The following GET4 variants were observed in gnomAD, a reference collection of about 807,000 sequenced individuals.
GET4 encodes the protein Golgi to ER traffic protein 4 homolog.
A neutral mutation model predicts 40.0 loss-of-function variants in GET4; 20 were observed. The observed-to-expected ratio is 0.50, with a 90% confidence interval of 0.35 to 0.73. The LOEUF (loss-of-function observed/expected upper bound fraction) is 0.73, where lower values mean the gene tolerates loss of function less well. Among genes scored for constraint, GET4 ranks in the 30% least tolerant of loss-of-function variants. The pLI is 0.01. For synonymous variants in GET4, 280 were observed against 194.6 expected, an observed-to-expected ratio of 1.44 and a Z score of -3.65; for missense variants, 557 against 454.0, an observed-to-expected ratio of 1.23 and a Z score of -2.06.
At chr7:889,088 C>T (rs1260574325) in intron 4 of GET4, among the ~76,000 whole-genome samples, 1 of 152,246 alleles carries the variant, frequency 6.6e-6, no homozygotes, top group Non-Finnish European at 1.5e-5. Flanking sequence ...GAGGGATGTA[C>T]GTGTCTCATC....
intron 1 of GET4, among the ~76,000 whole-genome samples, chr7:877,379 C>G (rs1167955609): frequency 9.1e-6 from 1 of 109,968 alleles, no homozygotes; most frequent in Non-Finnish European, 1.9e-5. Flanking sequence ...TCGTCTCTTT[C>G]TTCCAGCCTC....
intron 6 of GET4, among the ~76,000 whole-genome samples, chr7:892,820 G>A (rs916500474): frequency 1.4e-4 from 21 of 151,520 alleles, no homozygotes; most frequent in Non-Finnish European, 2.8e-4. Context: ...TGTAGACGGC[G>A]TATGTGCAGG....
chr7:895,382 A>G lies in GET4; in HGVS notation c.944A>G (p.Glu315Gly). ...GGCTCCTCAGAGCAGGAGGATGGGG[A>G]GGAGAGCCCCAGCGACGGCAGCCCC... is the stretch of plus-strand genomic sequence containing the variant. ...LMGSSEQEDG[E>G]ESPSDGSPIE... The change falls in exon 9 of 9, where the codon GAG becomes GGG. Residue 315 changes from glutamate to glycine, a missense_variant. Coordinates refer to ENST00000265857, the MANE Select transcript of GET4 (RefSeq NM_015949.3). The G allele has an allele frequency of 1.3e-6, 2 of 1,599,358 alleles. No homozygotes were observed. Among genetic ancestry groups the G allele is most frequent in the Middle Eastern group, 1.7e-4 (1 of 6,038 alleles).
At chr7:883,492 A>G (rs1844126753) in intron 1 of GET4, 1 of 985,034 alleles carries the variant, frequency 1.0e-6, no homozygotes, top group East Asian at 1.1e-4. Context: ...GTAAGAGAAG[A>G]GCAAAATCAG....
intron 1 of GET4, 72 bp downstream of exon 1, chr7:876,872 C>T: frequency 3.5e-6 from 3 of 868,356 alleles, no homozygotes; most frequent in Non-Finnish European, 4.3e-6. Context: ...GCCGCCTCGC[C>T]CCGCGCCCCC....
rs751475490 is a variant in GET4 at position 886,036 on chromosome 7, C to T, written c.156-20C>T. 12 of 1,518,010 alleles carry T rather than the reference C, an allele frequency of 7.9e-6. No individual in the cohort carries two copies. The highest frequency in any genetic ancestry group is 7.3e-6 in the Non-Finnish European group (8 of 1,094,184). 94.0% of individuals were successfully genotyped at this position (1,518,010 alleles called of 1,614,324 possible). A position where few individuals can be genotyped will look rare whatever the true frequency, so the allele number is the denominator to read the frequency against. ...GGCGAGGGCACGTGGGCGTGGCTCA[C>T]GGTCTCCTCTCTGTGGCAGGTACAT... On this transcript the variant is annotated intron_variant, in intron 1 of 8. Coordinates refer to ENST00000265857, the MANE Select transcript of GET4 (RefSeq NM_015949.3).
chr7:886,316 G>A (rs1438236621), intron 2 of GET4, 182 bp downstream of exon 2: 8 of 611,112 alleles, frequency 1.3e-5, no homozygotes, highest in Non-Finnish European at 2.3e-5. Context: ...CTCAAGACTG[G>A]GGCTCTGCGC....
intron 1 of GET4, chr7:885,114 C>T (rs937706553): frequency 4.6e-5 from 7 of 152,218 alleles, no homozygotes; most frequent in African/African-American, 1.4e-4. Flanking sequence ...TTTTCTTTAA[C>T]TAGATTTATT....
Position 886,130 on chromosome 7 carries a change from GC to G in GET4, c.232del (p.Gln78SerfsTer37). 2 of 1,598,884 alleles carry G rather than the reference GC, an allele frequency of 1.3e-6. No homozygotes were observed. Among genetic ancestry groups the G allele is most frequent in the Non-Finnish European group, 1.7e-6 (2 of 1,166,988 alleles). ...GGAGCCCTGCTCTTCTTCAGCCATG[GC>G]CAGGTAAGCCGTCTTGCTTCCTCCT... ...YSGALLFFSH[G>X]QQNSAADLSM... On this transcript the variant is annotated frameshift_variant, in exon 2 of 9. Coordinates refer to ENST00000265857, the MANE Select transcript of GET4 (RefSeq NM_015949.3). LOFTEE classifies it high-confidence loss of function.
chr7:877,356 C>G, intron 1 of GET4, among the ~76,000 whole-genome samples: 1 of 127,350 alleles, frequency 7.9e-6, no homozygotes, highest in Middle Eastern at 4.2e-3. Context: ...TCTCGCCGTC[C>G]TCCCCCTGCC....
At chr7:883,693 G>C in intron 1 of GET4, 1 of 985,758 alleles carries the variant, frequency 1.0e-6, no homozygotes, top group Non-Finnish European at 1.2e-6. Flanking sequence ...GAGAAGGCCC[G>C]GCCATGCCCA....
intron 1 of GET4, among the ~76,000 whole-genome samples, chr7:878,815 G>A (rs1844022573): frequency 6.6e-6 from 1 of 152,222 alleles, no homozygotes; most frequent in East Asian, 1.9e-4. Context: ...TCCTGACCTC[G>A]CGATCCGCCC....
Position 891,029 on chromosome 7 carries a change from A to G in GET4, c.568A>G (p.Ser190Gly), listed in dbSNP as rs767817290. ...VEYSTSRGFR[S>G]EVDMFVAQAV... ...GTATTCCACGTCCCGCGGCTTCCGC[A>G]GCGAGGTGGACATGTTCGTGGCCCA... Residue 190 changes from serine to glycine, a missense_variant, in exon 5 of 9, where the codon AGC (serine) becomes GGC (glycine). Physicochemically the swap from Ser to Gly is moderately conservative, Grantham distance 56. Transcript: ENST00000265857. 11 of 1,610,018 alleles carry G rather than the reference A, an allele frequency of 6.8e-6. No homozygotes were observed. Among genetic ancestry groups the G allele is most frequent in the Non-Finnish European group, 8.5e-6 (10 of 1,177,014 alleles).
intron 6 of GET4, among the ~76,000 whole-genome samples, chr7:893,295 C>T (rs1472506169): frequency 3.1e-4 from 17 of 54,392 alleles, no homozygotes; most frequent in African/African-American, 1.2e-3. Flanking sequence ...GAGTGTTGGG[C>T]GCGGGCGCGG....
chr7:878,769 C>CG (rs1844021674), intron 1 of GET4, among the ~76,000 whole-genome samples: 1 of 152,016 alleles, frequency 6.6e-6, no homozygotes, highest in African/African-American at 2.4e-5. Context: ...TTACTAGAGA[C>CG]GGGGTTTCAC....
chr7:889,111 A>G (rs1844255775), intron 4 of GET4, among the ~76,000 whole-genome samples: 1 of 152,216 alleles, frequency 6.6e-6, no homozygotes, highest in African/African-American at 2.4e-5. Context: ...CCCACCCACC[A>G]CGGGATCAGG....
intron 1 of GET4, chr7:883,659 G>A: frequency 4.1e-6 from 4 of 985,578 alleles, no homozygotes; most frequent in Non-Finnish European, 4.8e-6. Context: ...GGCCAATAGT[G>A]CGCAGCATGC....
At chr7:884,902 C>T (rs1844157632) in intron 1 of GET4, 1 of 153,138 alleles carries the variant, frequency 6.5e-6, no homozygotes, top group Non-Finnish European at 1.5e-5. Flanking sequence ...CCACCTCAGC[C>T]TCCCGAGTAG....
chr7:895,373 A>AGGAT lies in GET4; in HGVS notation c.938_941dup (p.Glu315TrpfsTer98). 1 of 1,599,980 alleles carries AGGAT rather than the reference A, an allele frequency of 6.3e-7. No individual in the cohort carries two copies. The highest frequency in any genetic ancestry group is 8.6e-7 in the Non-Finnish European group (1 of 1,168,926). ...AGCCTCATGGGCTCCTCAGAGCAGG[A>AGGAT]GGATGGGGAGGAGAGCCCCAGCGAC... On this transcript the variant is annotated frameshift_variant, in exon 9 of 9. Coordinates refer to ENST00000265857, the MANE Select transcript of GET4 (RefSeq NM_015949.3). LOFTEE classifies it high-confidence loss of function.
Sources: allele counts gnomAD v4.1 joint callset (sites outside exome capture counted in the v4.1 genomes callset), GRCh38; gene constraint gnomAD v4.1.1; transcripts MANE v1.5; gene names NCBI Gene and HGNC (gene_info 2026-07-23, HGNC 2026-07-21).